Variants in KIFC2 observed in about 807,000 individuals in gnomAD.
KIFC2 encodes the protein kinesin-like protein KIFC2.
KIFC2 carries 94 observed loss-of-function variants against 91.5 expected under a neutral mutation model. That is an observed-to-expected ratio of 1.03 (90% CI 0.87 to 1.22). KIFC2 has a LOEUF of 1.22. Ranked by LOEUF, KIFC2 falls within the 50% of genes most tolerant of loss-of-function variation. The probability of loss-of-function intolerance (pLI) is 0.00; values close to 1 mark genes in which losing one functional copy is unlikely to be tolerated. For missense variants in KIFC2, 1,357 were observed against 1,103.3 expected, an observed-to-expected ratio of 1.23 and a Z score of -3.26; for synonymous variants, 729 against 503.9, an observed-to-expected ratio of 1.45 and a Z score of -5.98.
Position 144,473,065 on chromosome 8 carries a change from C to A in KIFC2, c.2118+14C>A. On this transcript the variant is annotated intron_variant, in intron 17 of 17. Transcript: ENST00000645548. The stretch of plus-strand genomic sequence containing the variant: ...CTGCTGCTGCAGGTGGGCGCCGGGG[C>A]GGGGCAGGTGTGTGCGTGCCGGTCG... The A allele has an allele frequency of 7.0e-7, 1 of 1,437,250 alleles. No homozygotes were observed. The highest frequency in any genetic ancestry group is 9.1e-7 in the Non-Finnish European group (1 of 1,100,772). 89.0% of individuals were successfully genotyped at this position (1,437,250 alleles called of 1,614,324 possible).
Position 144,472,386 on chromosome 8 carries a change from G to C in KIFC2, c.1633G>C (p.Glu545Gln), listed in dbSNP as rs199871933. 73 of 1,613,192 alleles carry C rather than the reference G, an allele frequency of 4.5e-5. No individual in the cohort carries two copies. Among genetic ancestry groups the C allele is most frequent in the Middle Eastern group, 3.3e-4 (2 of 6,084 alleles). The change falls in exon 15 of 18, where the codon GAG becomes CAG. Residue 545 changes from glutamate to glutamine, a missense_variant. Physicochemically the swap from Glu to Gln is conservative, Grantham distance 29 (BLOSUM62 2). Transcript: ENST00000645548. ...VRDLLAPGPP[E>Q]RLAVRQGPEG... is the part of the protein sequence containing the mutation. ...GGACCTCCTTGCTCCAGGGCCTCCC[G>C]AGCGCCTGGCCGTGAGGCAGGGCCC...
Position 144,472,391 on chromosome 8 carries a change from C to A in KIFC2, c.1638C>A (p.Arg546=). 1 of 1,613,310 alleles carries A rather than the reference C, an allele frequency of 6.2e-7. No homozygotes were observed. The highest frequency in any genetic ancestry group is 8.5e-7 in the Non-Finnish European group (1 of 1,179,924). ...TCCTTGCTCCAGGGCCTCCCGAGCG[C>A]CTGGCCGTGAGGCAGGGCCCAGAAG... ...RDLLAPGPPE[R]LAVRQGPEGQ... is the part of the protein sequence containing the mutation. The change falls in exon 15 of 18, where the codon CGC becomes CGA. Residue 546 remains arginine, a synonymous_variant. Coordinates refer to ENST00000645548, the MANE Select transcript of KIFC2 (RefSeq NM_001369769.2).
chr8:144,466,211 C>CG (rs1305948358), upstream of KIFC2: 1 of 183,390 alleles, frequency 5.5e-6, no homozygotes, highest in African/African-American at 2.4e-5. Context: ...CGCCGGGCGG[C>CG]GCCGTGAGAA....
rs751667885 is a variant in KIFC2, at chr8:144,467,053, C to T, written c.273C>T (p.Phe91=). 6.0e-5 allele frequency: 95 copies of T among 1,594,570 alleles called. No homozygotes were observed. Among genetic ancestry groups the T allele is most frequent in the East Asian group, 5.2e-4 (23 of 44,456 alleles). ...AGGCCCTACTGCGCCTCGCCGAGTTCCTCTCCGTCCAGCTGGGGGCGGAAG... is the reference window on the plus strand; with the variant it reads ...AGGCCCTACTGCGCCTCGCCGAGTTTCTCTCCGTCCAGCTGGGGGCGGAAG... ...LEEALLRLAE[F]LSVQLGAEES... Residue 91 remains phenylalanine, a synonymous_variant, in exon 3 of 18, where the codon TTC becomes TTT. Coordinates refer to ENST00000645548, the MANE Select transcript of KIFC2 (RefSeq NM_001369769.2).
rs369367957 is a variant in KIFC2, at chr8:144,468,656, G to C, written c.1003+6G>C. 1.2e-6 allele frequency: 2 copies of C among 1,613,292 alleles called. No homozygotes were observed. Among genetic ancestry groups the C allele is most frequent in the Non-Finnish European group, 1.7e-6 (2 of 1,179,526 alleles). On this transcript the variant is annotated splice_donor_region_variant and intron_variant, in intron 9 of 17. Coordinates refer to ENST00000645548, the MANE Select transcript of KIFC2 (RefSeq NM_001369769.2). Reference sequence around the variant, plus strand: ...GATGCATGGGCAGCTGGCAGGTAAGGGTTGGGGTTGGGGCTCATGGGAGGC... The same window carrying C: ...GATGCATGGGCAGCTGGCAGGTAAGCGTTGGGGTTGGGGCTCATGGGAGGC...
At position 144,468,653 on chromosome 8, in the gene KIFC2, A is replaced by G. The variant is rs750700721; in HGVS notation, c.1003+3A>G. The G allele has an allele frequency of 1.2e-6, 2 of 1,613,318 alleles. No individual in the cohort carries two copies. The highest frequency in any genetic ancestry group is 1.7e-6 in the Non-Finnish European group (2 of 1,179,504). On this transcript the variant is annotated splice_donor_region_variant and intron_variant, in intron 9 of 17. Coordinates refer to ENST00000645548, the MANE Select transcript of KIFC2 (RefSeq NM_001369769.2). ...GCAGATGCATGGGCAGCTGGCAGGT[A>G]AGGGTTGGGGTTGGGGCTCATGGGA...
Position 144,472,967 on chromosome 8 carries a change from G to C in KIFC2, c.2034G>C (p.Pro678=), listed in dbSNP as rs776463889. 6.8e-7 allele frequency: 1 copy of C among 1,460,582 alleles called. No individual in the cohort carries two copies. The highest frequency in any genetic ancestry group is 1.5e-5 in the African/African-American group (1 of 67,856). 90.5% of individuals were successfully genotyped at this position (1,460,582 alleles called of 1,614,324 possible). A position where few individuals can be genotyped will look rare whatever the true frequency, so the allele number is the denominator to read the frequency against. ...TGGCCGCACTGCGGGCCCACCGGCCGCACGTGCCCTTCCGCGACTCGCAGC... is the reference window on the plus strand; with the variant it reads ...TGGCCGCACTGCGGGCCCACCGGCCCCACGTGCCCTTCCGCGACTCGCAGC... ...GVMAALRAHR[P]HVPFRDSQLT... Residue 678 remains proline, a synonymous_variant, in exon 17 of 18, where the codon CCG becomes CCC. Coordinates refer to ENST00000645548, the MANE Select transcript of KIFC2 (RefSeq NM_001369769.2).
chr8:144,473,529 A>G lies in KIFC2; in HGVS notation c.*140A>G. ...CCATTGCCCCTGAGCTCCCAGAGTCACCCCTCCACCTCCGCAGCCAGTGAA... is the reference window on the plus strand; with the variant it reads ...CCATTGCCCCTGAGCTCCCAGAGTCGCCCCTCCACCTCCGCAGCCAGTGAA... On this transcript the variant is annotated 3_prime_UTR_variant, in exon 18 of 18. Coordinates refer to ENST00000645548, the MANE Select transcript of KIFC2 (RefSeq NM_001369769.2). 1 of 1,278,728 alleles carries G rather than the reference A, an allele frequency of 7.8e-7. No homozygotes were observed. The highest frequency in any genetic ancestry group is 1.0e-6 in the Non-Finnish European group (1 of 966,404). The allele number at this position is 1,278,728 out of a possible 1,614,324, so 79.2% of individuals were successfully genotyped here. A position where few individuals can be genotyped will look rare whatever the true frequency, so the allele number is the denominator to read the frequency against.
At chr8:144,471,350 C>T (rs191626716) in intron 12 of KIFC2, among the ~76,000 whole-genome samples, 17 of 147,090 alleles carry the variant, frequency 1.2e-4, no homozygotes, top group African/African-American at 3.2e-4. Context: ...CACACTTTGT[C>T]ATCAGGCTGG....
chr8:144,469,777 GAAGGA>G (rs1166499275), intron 12 of KIFC2, 130 bp downstream of exon 12: 2 of 1,176,098 alleles, frequency 1.7e-6, no homozygotes, highest in Non-Finnish European at 2.3e-6. Flanking sequence ...CTCTAGCCAG[GAAGGA>G]AAGGGAACCG....
Position 144,467,966 on chromosome 8 carries a change from G to C in KIFC2, c.789G>C (p.Gly263=). Residue 263 remains glycine (G), a synonymous_variant, in exon 7 of 18, where the codon GGG becomes GGC. Transcript: ENST00000645548. The part of the protein sequence containing the change: ...MRDLLLHWGP[G]PPIRAPQEEA... ...ACCTCCTGCTGCACTGGGGCCCCGG[G>C]CCCCCCATCAGGGCTCCGCAGGTAC... The C allele has an allele frequency of 6.3e-7, 1 of 1,583,780 alleles. No homozygotes were observed. Among genetic ancestry groups the C allele is most frequent in the Non-Finnish European group, 8.5e-7 (1 of 1,169,690 alleles).
In KIFC2 at chr8:144,473,370, C is replaced by T. The variant is rs1825020078; in HGVS notation, c.2357C>T (p.Ala786Val). ...GGCTCGGGCTCGGCTCTCGCGCCCGCAGAGGGCCTGCCCCTCTAGTCCTGG... is the reference window on the plus strand; with the variant it reads ...GGCTCGGGCTCGGCTCTCGCGCCCGTAGAGGGCCTGCCCCTCTAGTCCTGG... ...DNGSGSALAP[A>V]EGLPL The change falls in exon 18 of 18, where the codon GCA becomes GTA. Residue 786 changes from alanine to valine, a missense_variant. Ala to Val is a moderately conservative substitution (Grantham distance 64). Transcript: ENST00000645548. 1.3e-6 allele frequency: 2 copies of T among 1,578,724 alleles called. No individual in the cohort carries two copies. Among genetic ancestry groups the T allele is most frequent in the South Asian group, 2.3e-5 (2 of 86,934 alleles).
At position 144,473,291 on chromosome 8, in the gene KIFC2, C is replaced by G. The variant is rs765415851; in HGVS notation, c.2278C>G (p.Pro760Ala). 1.1e-4 allele frequency: 184 copies of G among 1,605,856 alleles called. No homozygotes were observed. Among genetic ancestry groups the G allele is most frequent in the Middle Eastern group, 1.7e-4 (1 of 6,058 alleles). Residue 760 changes from proline to alanine, a missense_variant, in exon 18 of 18, where the codon CCC (proline) becomes GCC (alanine). Coordinates refer to ENST00000645548, the MANE Select transcript of KIFC2 (RefSeq NM_001369769.2). ...CACCGACACTCCGCTCACCGGGACCCCCTGCACCCCTACGCCGTCCCCTGG... is the reference window on the plus strand; with the variant it reads ...CACCGACACTCCGCTCACCGGGACCGCCTGCACCCCTACGCCGTCCCCTGG... Reference protein sequence around the residue: ...LSTDTPLTGTPCTPTPSPGSP... With the variant: ...LSTDTPLTGTACTPTPSPGSP...
At chr8:144,472,096 G>A (rs988553223) in intron 13 of KIFC2, 42 bp from the exon 14 acceptor site, 2 of 1,613,062 alleles carry the variant, frequency 1.2e-6, no homozygotes, top group Admixed American at 1.7e-5. Context: ...GGCCCTGCAT[G>A]ACTTGGATGT....
intron 12 of KIFC2, among the ~76,000 whole-genome samples, 185 bp from the exon 13 acceptor site, chr8:144,471,757 C>T (rs962961214): frequency 2.6e-5 from 4 of 152,136 alleles, no homozygotes; most frequent in African/African-American, 4.8e-5. Flanking sequence ...CTTGCAAGCA[C>T]CACCTTCTCT....
At chr8:144,471,807 T>C in intron 12 of KIFC2, 135 bp from the exon 13 acceptor site, 1 of 726,014 alleles carries the variant, frequency 1.4e-6, no homozygotes, top group Non-Finnish European at 2.4e-6. Flanking sequence ...CCCTCCCCCA[T>C]GGTCCCTTAG....
At position 144,467,020 on chromosome 8, in the gene KIFC2, CCTG is replaced by C. The variant is rs1564746250; in HGVS notation, c.241_243del (p.Leu81del). 1.3e-6 allele frequency: 2 copies of C among 1,597,320 alleles called. No homozygotes were observed. The highest frequency in any genetic ancestry group is 1.7e-5 in the Admixed American group (1 of 58,558). On this transcript the variant is annotated inframe_deletion, in exon 3 of 18. Transcript: ENST00000645548. ...CCGAGGGCCGCGCGGCCGCGGTGTC[CCTG>C]GAAGAGGCCCTACTGCGCCTCGCCG...
chr8:144,467,005 C>T lies in KIFC2; in HGVS notation c.225C>T (p.Arg75=), dbSNP rs1486685949. The T allele has an allele frequency of 3.8e-6, 6 of 1,595,076 alleles. No homozygotes were observed. The South Asian group carries it at 4.5e-5, about 12-fold the overall frequency. Residue 75 remains arginine (R), a synonymous_variant, in exon 3 of 18, where the codon CGC becomes CGT. Coordinates refer to ENST00000645548, the MANE Select transcript of KIFC2 (RefSeq NM_001369769.2). ...GGTCGGAAGGCGCAGCCGAGGGCCG[C>T]GCGGCCGCGGTGTCCCTGGAAGAGG... is the stretch of plus-strand genomic sequence containing the variant. ...EDGSEGAAEG[R]AAAVSLEEAL... is the part of the protein sequence containing the mutation.
At position 144,473,284 on chromosome 8, in the gene KIFC2, C is replaced by T. The variant is rs142968278; in HGVS notation, c.2271C>T (p.Thr757=). ...PSSLSTDTPL[T]GTPCTPTPSP... is the part of the protein sequence containing the mutation. ...CCCTCAGCACCGACACTCCGCTCACCGGGACCCCCTGCACCCCTACGCCGT... is the reference window on the plus strand; with the variant it reads ...CCCTCAGCACCGACACTCCGCTCACTGGGACCCCCTGCACCCCTACGCCGT... Residue 757 remains threonine (T), a synonymous_variant, in exon 18 of 18, where the codon ACC becomes ACT. Transcript: ENST00000645548. The T allele has an allele frequency of 1.9e-4, 309 of 1,605,972 alleles. No homozygotes were observed. In the African/African-American group the frequency reaches 3.6e-3, roughly 19 times the overall value.
Sources: allele counts gnomAD v4.1 joint callset (sites outside exome capture counted in the v4.1 genomes callset), GRCh38; gene constraint gnomAD v4.1.1; transcripts MANE v1.5; gene names NCBI Gene and HGNC (gene_info 2026-07-23, HGNC 2026-07-21).